Variants in ARMC9 observed in about 807,000 individuals in gnomAD.
The protein encoded by ARMC9 is lisH domain-containing protein ARMC9.
A neutral mutation model predicts 107.0 loss-of-function variants in ARMC9; 94 were observed. The observed-to-expected ratio is 0.88, with a 90% CI of 0.74 to 1.04. The LOEUF (loss-of-function observed/expected upper bound fraction) is 1.04, where lower values mean the gene tolerates loss of function less well. Among genes scored for constraint, ARMC9 ranks in the 50% least tolerant of loss-of-function variants. ARMC9 has a pLI of 0.00. For missense variants in ARMC9, 942 were observed against 1,030.1 expected, an observed-to-expected ratio of 0.91 and a Z score of 1.17; for synonymous variants, 380 against 396.9, an observed-to-expected ratio of 0.96 and a Z score of 0.51.
At chr2:231,321,121 G>T (rs926191086) in intron 19 of ARMC9, among the ~76,000 whole-genome samples, 2 of 152,234 alleles carry the variant, frequency 1.3e-5, no homozygotes, top group Non-Finnish European at 2.9e-5. Context: ...TCAGGTGCTT[G>T]TGAGGATCAA....
chr2:231,339,312 G>A (rs766145990), intron 20 of ARMC9, among the ~76,000 whole-genome samples: 1 of 150,164 alleles, frequency 6.7e-6, no homozygotes, highest in South Asian at 2.1e-4. Context: ...CTGGGCGACA[G>A]AGCAAGACTC....
intron 9 of ARMC9, 153 bp downstream of exon 9, chr2:231,240,194 CT>C: frequency 1.4e-6 from 1 of 723,168 alleles, no homozygotes; most frequent in Non-Finnish European, 2.3e-6. Context: ...GAAAATAAAT[CT>C]GTTTTTGAAG....
In ARMC9 at chr2:231,298,713, G is replaced by A. The variant is rs545456962; in HGVS notation, c.1773+2460G>A. Among the ~76,000 whole-genome samples, 6 of 152,272 alleles carry A rather than the reference G, an allele frequency of 3.9e-5. No homozygotes were observed. The South Asian group carries it at 8.3e-4, about 21-fold the overall frequency. ...TGCAATCTCAACACTTTGGGAGGCC[G>A]AGGTGGGCGGATCACTTGAGACCAG... On this transcript the variant is annotated intron_variant, in intron 19 of 24. Coordinates refer to ENST00000611582, the MANE Select transcript of ARMC9 (RefSeq NM_001352754.2).
At chr2:231,370,187 G>A (rs2045964236) in intron 24 of ARMC9, 62 bp downstream of exon 24, 2 of 1,439,252 alleles carry the variant, frequency 1.4e-6, no homozygotes, top group African/African-American at 2.9e-5. Flanking sequence ...GCAGGGAAGG[G>A]CATTTTGCTG....
intron 20 of ARMC9, among the ~76,000 whole-genome samples, chr2:231,337,902 A>G (rs1442983067): frequency 2.6e-5 from 4 of 152,198 alleles, no homozygotes; most frequent in Admixed American, 2.6e-4. Flanking sequence ...GACCAACCCT[A>G]AGTCTACCCA....
intron 8 of ARMC9, among the ~76,000 whole-genome samples, chr2:231,235,757 C>T (rs1184379374): frequency 1.3e-5 from 2 of 152,124 alleles, no homozygotes; most frequent in East Asian, 3.8e-4. Context: ...ATTCTCCTGC[C>T]TCAGCCTCCC....
intron 23 of ARMC9, 59 bp from the exon 24 acceptor site, chr2:231,369,894 C>T: frequency 7.2e-7 from 1 of 1,379,554 alleles, no homozygotes; most frequent in Non-Finnish European, 9.4e-7. Context: ...ACACCCGGCC[C>T]CTCCTGTGGT....
At chr2:231,252,841 T>C (rs1574808723) in intron 9 of ARMC9, among the ~76,000 whole-genome samples, 1 of 150,286 alleles carries the variant, frequency 6.7e-6, no homozygotes, top group Admixed American at 6.6e-5. Context: ...GGTTTCATCA[T>C]GTTGCTCTGG....
intron 9 of ARMC9, among the ~76,000 whole-genome samples, chr2:231,245,325 C>CT (rs1210627979): frequency 6.6e-6 from 1 of 152,140 alleles, no homozygotes; most frequent in African/African-American, 2.4e-5. Flanking sequence ...TTTTTGTTTT[C>CT]TAAGATTACG....
chr2:231,339,055 T>C (rs571924204), intron 20 of ARMC9, among the ~76,000 whole-genome samples: 27 of 152,276 alleles, frequency 1.8e-4, no homozygotes, highest in African/African-American at 5.1e-4. Flanking sequence ...ATAGGCTGGG[T>C]GTGGTGGCTC....
chr2:231,206,362 C>G, intron 2 of ARMC9, 73 bp downstream of exon 2: 1 of 1,195,544 alleles, frequency 8.4e-7, no homozygotes, highest in Non-Finnish European at 1.2e-6. Context: ...ATGCAACAAA[C>G]TATTTAGTGC....
chr2:231,209,380 C>G (rs2032501706), intron 3 of ARMC9, among the ~76,000 whole-genome samples: 2 of 151,898 alleles, frequency 1.3e-5, no homozygotes, highest in South Asian at 4.2e-4. Flanking sequence ...GACCCTGTCT[C>G]CAAAAAAATT....
chr2:231,357,967 C>G (rs192774407), intron 22 of ARMC9, among the ~76,000 whole-genome samples: 2 of 152,314 alleles, frequency 1.3e-5, no homozygotes, highest in East Asian at 3.9e-4. Context: ...ATGAGTAAGC[C>G]TTTGCCACGC....
At chr2:231,243,649 T>C (rs941773211) in intron 9 of ARMC9, among the ~76,000 whole-genome samples, 1 of 152,200 alleles carries the variant, frequency 6.6e-6, no homozygotes, top group African/African-American at 2.4e-5. Flanking sequence ...ACTGAATCAT[T>C]GGCTTAGGAA....
intron 12 of ARMC9, chr2:231,270,526 T>A: frequency 4.6e-6 from 2 of 432,220 alleles, no homozygotes; most frequent in Non-Finnish European, 9.6e-6. Context: ...CCTCTTGCCA[T>A]GCTGCAGTCC....
rs79421283 is a variant in ARMC9, at chr2:231,231,501, G to T, written c.623-3723G>T. 2.7e-5 allele frequency among the ~76,000 whole-genome samples: 4 copies of T among 150,324 alleles called. No homozygotes were observed. The East Asian group carries it at 7.9e-4, about 30-fold the overall frequency. ...TGGGTTCATGCGATTCTAGTGCCTC[G>T]GCCACCTGAGTAGCTGGGATTACAG... On this transcript the variant is annotated intron_variant, in intron 7 of 24. Coordinates refer to ENST00000611582, the MANE Select transcript of ARMC9 (RefSeq NM_001352754.2).
intron 3 of ARMC9, among the ~76,000 whole-genome samples, chr2:231,209,755 C>G (rs2032559422): frequency 6.6e-6 from 1 of 152,086 alleles, no homozygotes; most frequent in African/African-American, 2.4e-5. Flanking sequence ...AGGCTGGTCT[C>G]AAACTCCTGA....
At chr2:231,305,798 C>T (rs1462355370) in intron 19 of ARMC9, among the ~76,000 whole-genome samples, 2 of 152,144 alleles carry the variant, frequency 1.3e-5, no homozygotes, top group Admixed American at 1.3e-4. Flanking sequence ...ACCCATCATA[C>T]AGCTGCAGTG....
At chr2:231,316,154 GTA>G (rs1256007830) in intron 19 of ARMC9, among the ~76,000 whole-genome samples, 49 of 119,166 alleles carry the variant, frequency 4.1e-4, no homozygotes, top group African/African-American at 2.1e-3. Flanking sequence ...GAACATGTGT[GTA>G]TGTATGTGTG....
Sources: gnomAD v4.1 joint callset for allele counts (sites outside exome capture counted in the v4.1 genomes callset) on GRCh38, gnomAD v4.1.1 for gene constraint, MANE v1.5 for transcripts, NCBI Gene and HGNC (gene_info 2026-07-23, HGNC 2026-07-21) for gene names.